Variants in BBX observed in about 807,000 individuals in gnomAD.
BBX encodes the protein BBX high mobility group box domain containing.
A neutral mutation model predicts 100.2 loss-of-function variants in BBX; 30 were observed. That is an observed-to-expected ratio of 0.30 (90% confidence interval 0.22 to 0.41). The LOEUF (loss-of-function observed/expected upper bound fraction) is 0.41. Ranked by LOEUF, BBX falls within the 10% of genes least tolerant of loss-of-function variation. The pLI is 1.00. For missense variants in BBX, 1,023 were observed against 1,129.8 expected (o/e 0.91, Z 1.35); for synonymous variants, 376 against 388.1 (o/e 0.97, Z 0.37).
intron 3 of BBX, among the ~76,000 whole-genome samples, chr3:107,665,537 A>G (rs1185763015): frequency 6.6e-6 from 1 of 152,148 alleles, no homozygotes; most frequent in Non-Finnish European, 1.5e-5. Context: ...GCAACCTGCC[A>G]GTGATTGTCT....
chr3:107,692,947 AG>A (rs2060285894), intron 3 of BBX, among the ~76,000 whole-genome samples: 1 of 150,422 alleles, frequency 6.6e-6, no homozygotes, highest in Admixed American at 6.6e-5. Context: ...TCTGATGGCC[AG>A]TGATGGTGAG....
At chr3:107,534,284 T>C (rs1483586261) in intron 2 of BBX, among the ~76,000 whole-genome samples, 1 of 152,238 alleles carries the variant, frequency 6.6e-6, no homozygotes, top group African/African-American at 2.4e-5. Flanking sequence ...TTTCAGCTTT[T>C]GGTGCACCTC....
rs555367454 is a variant in BBX, at chr3:107,587,394, G to A, written c.-83-58442G>A. Among the ~76,000 whole-genome samples, 101 of 150,944 alleles carry A rather than the reference G, an allele frequency of 6.7e-4. 1 individual carries two copies. The highest frequency in any genetic ancestry group is 2.3e-3 in the African/African-American group (93 of 41,132). On this transcript the variant is annotated intron_variant, in intron 2 of 17. Transcript: ENST00000325805. The stretch of plus-strand genomic sequence containing the variant: ...GAAATTACTTTTGGTAAGCTTTTGA[G>A]AATTTAGTTACATATTGGAATGATT...
At chr3:107,608,702 G>T (rs2054620192) in intron 2 of BBX, among the ~76,000 whole-genome samples, 1 of 152,086 alleles carries the variant, frequency 6.6e-6, no homozygotes, top group African/African-American at 2.4e-5. Context: ...TGAACATGGA[G>T]TATCTTTTCA....
At chr3:107,746,801 A>G (rs1032300340) in intron 8 of BBX, among the ~76,000 whole-genome samples, 5 of 152,142 alleles carry the variant, frequency 3.3e-5, no homozygotes, top group Non-Finnish European at 7.4e-5. Context: ...ATGTATAACT[A>G]CGTGGCCCTG....
chr3:107,600,439 T>G (rs1356358072), intron 2 of BBX, among the ~76,000 whole-genome samples: 1 of 152,218 alleles, frequency 6.6e-6, no homozygotes, highest in Non-Finnish European at 1.5e-5. Context: ...TTTGAATTAT[T>G]TTATCATGGA....
intron 3 of BBX, among the ~76,000 whole-genome samples, chr3:107,685,496 C>T (rs1021049407): frequency 6.6e-6 from 1 of 152,156 alleles, no homozygotes; most frequent in Non-Finnish European, 1.5e-5. Context: ...GTAGAAGATA[C>T]GCTATTCCCT....
chr3:107,712,705 C>T (rs979638249), intron 4 of BBX, among the ~76,000 whole-genome samples: 1 of 152,156 alleles, frequency 6.6e-6, no homozygotes, highest in Non-Finnish European at 1.5e-5. Flanking sequence ...CTCCTGCAGT[C>T]CATTCTCAAC....
intron 4 of BBX, chr3:107,711,501 G>T: frequency 2.9e-6 from 1 of 339,356 alleles, no homozygotes; most frequent in Non-Finnish European, 5.8e-6. Context: ...GCTTTCATCA[G>T]GAATTAAAAA....
Position 107,642,081 on chromosome 3 carries a change from A to T in BBX, c.-83-3755A>T, listed in dbSNP as rs539516531. Among the ~76,000 whole-genome samples the T allele has an allele frequency of 2.0e-5, 3 of 152,314 alleles. No individual in the cohort carries two copies. In the South Asian group the frequency reaches 6.2e-4, roughly 32 times the overall value. On this transcript the variant is annotated intron_variant, in intron 2 of 17. Transcript: ENST00000325805. ...TGGACAACAGTGACCTGAGGCATGG[A>T]ATTAATTGGCCAAAATTGCATAACA... is the stretch of plus-strand genomic sequence containing the variant.
chr3:107,544,864 AAAAG>A (rs2049112181), intron 2 of BBX, among the ~76,000 whole-genome samples: 2 of 151,458 alleles, frequency 1.3e-5, no homozygotes, highest in Non-Finnish European at 2.9e-5. Context: ...AAAAAAGAAA[AAAAG>A]TAGCCGGACA....
intron 9 of BBX, among the ~76,000 whole-genome samples, chr3:107,753,667 CG>C (rs150584424): frequency 1.2e-4 from 18 of 152,202 alleles, no homozygotes; most frequent in Admixed American, 5.9e-4. Flanking sequence ...GTGACACACA[CG>C]GGGAACAAAA....
chr3:107,642,121 A>C (rs1448278622), intron 2 of BBX, among the ~76,000 whole-genome samples: 1 of 152,362 alleles, frequency 6.6e-6, no homozygotes, highest in East Asian at 1.9e-4. Flanking sequence ...GTATAACAAC[A>C]TCATTTTCAG....
chr3:107,669,573 A>C (rs1223530720), intron 3 of BBX, among the ~76,000 whole-genome samples: 1 of 152,192 alleles, frequency 6.6e-6, no homozygotes, highest in Non-Finnish European at 1.5e-5. Context: ...AAAACCTCAA[A>C]GCATGATTCT....
chr3:107,808,823 A>G lies in BBX; in HGVS notation c.*3366A>G, dbSNP rs2071180171. 6.6e-6 allele frequency: 1 copy of G among 152,192 alleles called. No homozygotes were observed. The highest frequency in any genetic ancestry group is 2.1e-4 in the South Asian group (1 of 4,832). The allele number at this position is 152,192 out of a possible 1,614,324, so 9.4% of individuals were successfully genotyped here. A position where few individuals can be genotyped will look rare whatever the true frequency, so the allele number is the denominator to read the frequency against. ...TAATTCCGATAGTCTTTTTCCCACAAATATCAGAAATATATTTATTTAATT... is the reference window on the plus strand; with the variant it reads ...TAATTCCGATAGTCTTTTTCCCACAGATATCAGAAATATATTTATTTAATT... On this transcript the variant is annotated 3_prime_UTR_variant, in exon 18 of 18. Coordinates refer to ENST00000325805, the MANE Select transcript of BBX (RefSeq NM_001142568.3).
intron 14 of BBX, among the ~76,000 whole-genome samples, chr3:107,791,032 A>T (rs930441363): frequency 1.3e-5 from 2 of 152,222 alleles, no homozygotes; most frequent in Non-Finnish European, 2.9e-5. Context: ...CATAAAAGAC[A>T]AAAATTTTAT....
intron 2 of BBX, among the ~76,000 whole-genome samples, chr3:107,618,156 T>G (rs986042995): frequency 6.6e-6 from 1 of 152,030 alleles, no homozygotes; most frequent in Non-Finnish European, 1.5e-5. Context: ...CTTTATCCTG[T>G]TAATATGGTG....
intron 2 of BBX, among the ~76,000 whole-genome samples, chr3:107,611,900 C>T (rs979698818): frequency 2.0e-5 from 3 of 151,972 alleles, no homozygotes; most frequent in African/African-American, 7.2e-5. Context: ...ATCTTGCCAG[C>T]ATGCTTTATT....
chr3:107,530,897 A>G (rs1347095003), intron 2 of BBX, among the ~76,000 whole-genome samples: 1 of 152,212 alleles, frequency 6.6e-6, no homozygotes, highest in African/African-American at 2.4e-5. Context: ...GGTATTATCT[A>G]TCAAATTGAT....
Sources: gnomAD v4.1 joint callset for allele counts (sites outside exome capture counted in the v4.1 genomes callset) on GRCh38, gnomAD v4.1.1 for gene constraint, MANE v1.5 for transcripts, NCBI Gene and HGNC (gene_info 2026-07-23, HGNC 2026-07-21) for gene names.